Variants in ZMYND8 observed in about 807,000 individuals in gnomAD.
ZMYND8 encodes the protein MYND-type zinc finger-containing chromatin reader ZMYND8.
Under a neutral mutation model 140.8 loss-of-function variants are expected in ZMYND8, and 37 were observed. The observed-to-expected ratio is 0.26, with a 90% confidence interval of 0.20 to 0.35. The LOEUF (loss-of-function observed/expected upper bound fraction) is 0.35. Ranked by LOEUF, ZMYND8 falls within the 10% of genes least tolerant of loss-of-function variation. The pLI, the probability that ZMYND8 is intolerant of heterozygous loss-of-function variation, is 1.00. For missense variants in ZMYND8, 1,068 were observed against 1,570.0 expected, an observed-to-expected ratio of 0.68 and a Z score of 5.40; for synonymous variants, 592 against 597.1, an observed-to-expected ratio of 0.99 and a Z score of 0.12.
At chr20:47,251,593 A>T (rs2074178574) in intron 12 of ZMYND8, among the ~76,000 whole-genome samples, 1 of 152,142 alleles carries the variant, frequency 6.6e-6, no homozygotes, top group African/African-American at 2.4e-5. Context: ...CAAAAAAAAA[A>T]AAAATTTACT....
intron 4 of ZMYND8, among the ~76,000 whole-genome samples, chr20:47,296,884 T>C (rs148849761): frequency 6.6e-6 from 1 of 152,176 alleles, no homozygotes; most frequent in East Asian, 1.9e-4. Flanking sequence ...TGAGCCCAGG[T>C]GGTCAGGGCT....
chr20:47,221,317 G>C lies in ZMYND8; in HGVS notation c.3414C>G (p.Gly1138=). Residue 1138 remains glycine (G), a synonymous_variant, in exon 20 of 23, where the codon GGC becomes GGG. Transcript: ENST00000471951. ...ETSAEKSKES[G]STLDLSGSRE... ...AAAGGCATGGGGGGATCCTCACCGA[G>C]CCACTCTCCTTGCTTTTCTCAGCTG... 1 of 1,614,010 alleles carries C rather than the reference G, an allele frequency of 6.2e-7. No individual in the cohort carries two copies. The highest frequency in any genetic ancestry group is 8.5e-7 in the Non-Finnish European group (1 of 1,180,012).
At position 47,329,752 on chromosome 20, in the gene ZMYND8, G is replaced by A. The variant is rs183628744; in HGVS notation, c.85+18104C>T. On this transcript the variant is annotated intron_variant, in intron 2 of 22. Coordinates refer to ENST00000471951, the MANE Select transcript of ZMYND8 (RefSeq NM_001281775.3). ...ACGTACAGCTAGTGGCGACTGTGTTGGACAGCACAGCTGCAGAAGCTTAAT... is the reference window on the plus strand; with the variant it reads ...ACGTACAGCTAGTGGCGACTGTGTTAGACAGCACAGCTGCAGAAGCTTAAT... Among the ~76,000 whole-genome samples, 195 of 152,232 alleles carry A rather than the reference G, an allele frequency of 1.3e-3. 3 individuals carry two copies. The highest frequency in any genetic ancestry group is 4.6e-3 in the African/African-American group (191 of 41,532).
intron 2 of ZMYND8, among the ~76,000 whole-genome samples, chr20:47,336,205 T>G (rs2081373409): frequency 6.6e-6 from 1 of 152,216 alleles, no homozygotes; most frequent in Non-Finnish European, 1.5e-5. Flanking sequence ...ACAAGGATCC[T>G]GTGCTAATTA....
intron 21 of ZMYND8, among the ~76,000 whole-genome samples, chr20:47,215,755 A>T (rs1467694041): frequency 6.6e-6 from 1 of 152,180 alleles, no homozygotes; most frequent in African/African-American, 2.4e-5. Flanking sequence ...CAATATGGTA[A>T]CCACTACAAT....
At chr20:47,341,369 AT>A (rs1232315895) in intron 2 of ZMYND8, among the ~76,000 whole-genome samples, 1 of 151,656 alleles carries the variant, frequency 6.6e-6, no homozygotes, top group Non-Finnish European at 1.5e-5. Context: ...TCTACTAAAA[AT>A]TTAAAAATTA....
chr20:47,276,289 C>G, intron 11 of ZMYND8, 25 bp downstream of exon 11: 1 of 1,502,842 alleles, frequency 6.7e-7, no homozygotes, highest in Non-Finnish European at 8.9e-7. Flanking sequence ...GGGGCCTCCT[C>G]CCCGCTCCCC....
intron 2 of ZMYND8, among the ~76,000 whole-genome samples, chr20:47,326,398 G>A (rs763209024): frequency 1.8e-4 from 28 of 152,094 alleles, no homozygotes; most frequent in South Asian, 4.1e-4. Context: ...CACCATGCCC[G>A]GCCTCCCAGT....
chr20:47,355,498 A>G (rs2083147404), intron 1 of ZMYND8: 1 of 985,320 alleles, frequency 1.0e-6, no homozygotes, highest in Admixed American at 6.2e-5. Flanking sequence ...TTAGGAAGAG[A>G]GAACAGGCTG....
At chr20:47,356,362 GCTT>G (rs1462245965) in intron 1 of ZMYND8, 2 of 1,466,250 alleles carry the variant, frequency 1.4e-6, no homozygotes, top group Non-Finnish European at 1.8e-6. Flanking sequence ...AAAAAAAAAA[GCTT>G]CTTTTTTGGC....
At chr20:47,299,160 C>A (rs6063098) in intron 3 of ZMYND8, among the ~76,000 whole-genome samples, 2 of 152,074 alleles carry the variant, frequency 1.3e-5, no homozygotes, top group East Asian at 1.9e-4. Context: ...TAAGAGGCCA[C>A]GATTAAAAGC....
rs1193077184 is a variant in ZMYND8, at chr20:47,307,461, A to AAAAT, written c.234+2591_234+2594dup. ...CAATGAGAGAGAAACTCCGTCTCAA[A>AAAAT]AAATAAATAAATAAATAAATAAAGG... is the stretch of plus-strand genomic sequence containing the variant. On this transcript the variant is annotated intron_variant, in intron 3 of 22. Coordinates refer to ENST00000471951, the MANE Select transcript of ZMYND8 (RefSeq NM_001281775.3). Among the ~76,000 whole-genome samples, 475 of 152,064 alleles carry AAAAT rather than the reference A, an allele frequency of 3.1e-3. 2 individuals are homozygous for AAAAT. Among genetic ancestry groups the AAAAT allele is most frequent in the African/African-American group, 0.01 (432 of 41,406 alleles).
intron 1 of ZMYND8, chr20:47,349,853 A>T: frequency 6.5e-7 from 1 of 1,535,666 alleles, no homozygotes; most frequent in East Asian, 2.4e-5. Context: ...GAGCCAAAAA[A>T]AACCCACTTG....
intron 2 of ZMYND8, among the ~76,000 whole-genome samples, chr20:47,344,894 C>T (rs1165041934): frequency 1.3e-5 from 2 of 152,158 alleles, no homozygotes; most frequent in African/African-American, 4.8e-5. Flanking sequence ...GGGAGGATCA[C>T]TTGAGGCCAA....
At chr20:47,346,308 G>A (rs1406172873) in intron 2 of ZMYND8, among the ~76,000 whole-genome samples, 2 of 152,156 alleles carry the variant, frequency 1.3e-5, no homozygotes, top group Non-Finnish European at 2.9e-5. Context: ...ACCTCTGTGA[G>A]AAGGTACCTT....
chr20:47,233,156 C>T (rs2038768201), intron 16 of ZMYND8, among the ~76,000 whole-genome samples: 2 of 150,126 alleles, frequency 1.3e-5, no homozygotes, highest in African/African-American at 2.5e-5. Context: ...ATCCACCCGC[C>T]TGGGCCTCCC....
intron 10 of ZMYND8, among the ~76,000 whole-genome samples, chr20:47,277,650 A>ATTTT (rs869137651): frequency 1.4e-5 from 2 of 139,064 alleles, no homozygotes; most frequent in African/African-American, 2.9e-5. Context: ...TAATTAATTC[A>ATTTT]TTTTATTTAT....
intron 12 of ZMYND8, among the ~76,000 whole-genome samples, chr20:47,252,084 G>A (rs764065217): frequency 2.0e-5 from 3 of 151,842 alleles, no homozygotes; most frequent in East Asian, 1.9e-4. Context: ...ACTTGAGGTC[G>A]GGGGTTCAAG....
At chr20:47,305,586 A>G (rs1019624317) in intron 3 of ZMYND8, among the ~76,000 whole-genome samples, 1 of 151,992 alleles carries the variant, frequency 6.6e-6, no homozygotes, top group African/African-American at 2.4e-5. Flanking sequence ...GCAAGCAAAA[A>G]AAGACTTCAA....
Sources: gnomAD v4.1 joint callset for allele counts (sites outside exome capture counted in the v4.1 genomes callset) on GRCh38, gnomAD v4.1.1 for gene constraint, MANE v1.5 for transcripts, NCBI Gene and HGNC (gene_info 2026-07-23, HGNC 2026-07-21) for gene names.